BMPR2: variants seen among roughly 807,000 people sequenced by gnomAD.
BMPR2 encodes bone morphogenetic protein receptor type-2.
In BMPR2, 29 loss-of-function variants were observed where a neutral mutation model predicts 100.8. The ratio of observed to expected loss-of-function variants is 0.29; its 90% CI spans 0.21 to 0.39. The LOEUF (loss-of-function observed/expected upper bound fraction) is 0.39. Ranked by LOEUF, BMPR2 falls within the 10% of genes least tolerant of loss-of-function variation. The pLI is 1.00. For missense variants in BMPR2, 1,011 were observed against 1,274.5 expected (o/e 0.79, Z 3.15); for synonymous variants, 382 against 442.3 (o/e 0.86, Z 1.71).
At chr2:202,405,505 G>A (rs1690870696) in intron 1 of BMPR2, among the ~76,000 whole-genome samples, 1 of 151,954 alleles carries the variant, frequency 6.6e-6, no homozygotes, top group Non-Finnish European at 1.5e-5. Context: ...TGGCTAACAC[G>A]GTGAAACCCC....
intron 3 of BMPR2, among the ~76,000 whole-genome samples, chr2:202,481,235 A>G (rs1001840019): frequency 6.6e-5 from 10 of 151,738 alleles, no homozygotes; most frequent in Admixed American, 2.0e-4. Flanking sequence ...CTGGAGTCCA[A>G]TGGTGTGATC....
In BMPR2 at chr2:202,555,745, A is replaced by G; in HGVS notation, c.2080A>G (p.Ser694Gly). ...NLMEHSLKQFSGPDPLSSTSS... is the reference protein window; with the variant it reads ...NLMEHSLKQFGGPDPLSSTSS... Reference sequence around the variant, plus strand: ...CATGGAGCACTCTCTTAAACAGTTCAGTGGCCCAGACCCACTGAGCAGTAC... The same window carrying G: ...CATGGAGCACTCTCTTAAACAGTTCGGTGGCCCAGACCCACTGAGCAGTAC... The change falls in exon 12 of 13, where the codon AGT (serine) becomes GGT (glycine). Residue 694 changes from serine (S) to glycine (G), a missense_variant. Around this residue, in one of 6 missense-constraint regions of BMPR2, gnomAD observed 508 missense variants for 552.0 expected, o/e 0.92. Transcript: ENST00000374580. 6.2e-7 allele frequency: 1 copy of G among 1,614,192 alleles called. No individual in the cohort carries two copies. Among genetic ancestry groups the G allele is most frequent in the Non-Finnish European group, 8.5e-7 (1 of 1,180,042 alleles).
intron 1 of BMPR2, among the ~76,000 whole-genome samples, chr2:202,378,937 T>A (rs777678448): frequency 6.6e-6 from 1 of 152,222 alleles, no homozygotes; most frequent in East Asian, 1.9e-4. Flanking sequence ...TTAACCTTTT[T>A]AGAATATAGA....
In BMPR2 at chr2:202,376,615, T is replaced by G. The variant is rs1185524667; in HGVS notation, c.-860T>G. Among the ~76,000 whole-genome samples, 2 of 141,282 alleles carry G rather than the reference T, an allele frequency of 1.4e-5. No individual in the cohort carries two copies. The highest frequency in any genetic ancestry group is 4.3e-4 in the East Asian group (2 of 4,696). The allele number at this position is 141,282 out of a possible 152,430, so 92.7% of individuals were successfully genotyped here. ...AGCCATTGACGGGAGAAGAGGAGGC[T>G]TTCTTGGTGGAATTTACCTCAGGCA... On this transcript the variant is annotated 5_prime_UTR_variant, in exon 1 of 13. Coordinates refer to ENST00000374580, the MANE Select transcript of BMPR2 (RefSeq NM_001204.7).
intron 1 of BMPR2, among the ~76,000 whole-genome samples, chr2:202,460,661 T>C (rs1324072001): frequency 6.6e-6 from 1 of 152,050 alleles, no homozygotes; most frequent in Non-Finnish European, 1.5e-5. Flanking sequence ...TAAAAGAGAA[T>C]GTGCTGATTT....
intron 1 of BMPR2, among the ~76,000 whole-genome samples, chr2:202,422,780 G>A (rs1279853494): frequency 1.3e-5 from 2 of 151,218 alleles, no homozygotes; most frequent in African/African-American, 2.4e-5. Context: ...GGGTTCAAGC[G>A]ATTCTCCTGC....
At chr2:202,480,631 A>G (rs1317557650) in intron 3 of BMPR2, among the ~76,000 whole-genome samples, 2 of 152,056 alleles carry the variant, frequency 1.3e-5, no homozygotes, top group African/African-American at 4.8e-5. Context: ...TATTTTTCCC[A>G]ATTGAAAAGT....
intron 3 of BMPR2, among the ~76,000 whole-genome samples, chr2:202,496,788 G>A (rs1262867652): frequency 6.6e-6 from 1 of 152,244 alleles, no homozygotes; most frequent in Non-Finnish European, 1.5e-5. Context: ...CGCCTCCTCT[G>A]CCTGGGCTCC....
At chr2:202,411,273 A>C (rs541115806) in intron 1 of BMPR2, among the ~76,000 whole-genome samples, 1 of 152,328 alleles carries the variant, frequency 6.6e-6, no homozygotes, top group Non-Finnish European at 1.5e-5. Context: ...TTGACAAACC[A>C]AGTTTAAAGA....
intron 1 of BMPR2, among the ~76,000 whole-genome samples, chr2:202,447,361 A>G (rs1691871793): frequency 6.6e-6 from 1 of 150,484 alleles, no homozygotes; most frequent in African/African-American, 2.5e-5. Flanking sequence ...ATTTTGGGGT[A>G]TAGTATGATT....
At chr2:202,421,066 A>G (rs1030147742) in intron 1 of BMPR2, among the ~76,000 whole-genome samples, 2 of 150,472 alleles carry the variant, frequency 1.3e-5, no homozygotes, top group Admixed American at 6.7e-5. Flanking sequence ...CCTGGCCAAC[A>G]TGGTGAAACC....
intron 1 of BMPR2, among the ~76,000 whole-genome samples, chr2:202,384,765 G>A (rs1272446818): frequency 6.6e-6 from 1 of 151,666 alleles, no homozygotes; most frequent in African/African-American, 2.4e-5. Flanking sequence ...AGCTAATTTT[G>A]TATTTGTAGT....
At chr2:202,539,031 A>G (rs1461034302) in intron 9 of BMPR2, among the ~76,000 whole-genome samples, 1 of 152,190 alleles carries the variant, frequency 6.6e-6, no homozygotes, top group Non-Finnish European at 1.5e-5. Flanking sequence ...ATAAAAAGAA[A>G]GAAAAATAGG....
intron 1 of BMPR2, among the ~76,000 whole-genome samples, chr2:202,382,593 A>C (rs1195386123): frequency 6.6e-6 from 1 of 152,218 alleles, no homozygotes; most frequent in Non-Finnish European, 1.5e-5. Flanking sequence ...GACATTTAAG[A>C]AATACTTAGT....
chr2:202,501,051 C>T (rs1687377783), intron 3 of BMPR2, among the ~76,000 whole-genome samples: 1 of 152,192 alleles, frequency 6.6e-6, no homozygotes, highest in Non-Finnish European at 1.5e-5. Context: ...TTACTTTTGG[C>T]TACCAGTTCG....
At chr2:202,538,793 C>CA (rs34853164) in intron 9 of BMPR2, among the ~76,000 whole-genome samples, 655 of 59,542 alleles carry the variant, frequency 0.011, 7 homozygotes, top group African/African-American at 0.025. Flanking sequence ...GACTCTGTCT[C>CA]AAAAAAAAAA....
rs542423177 is a variant in BMPR2 at position 202,446,902 on chromosome 2, G to A, written c.77-17907G>A. On this transcript the variant is annotated intron_variant, in intron 1 of 12. Coordinates refer to ENST00000374580, the MANE Select transcript of BMPR2 (RefSeq NM_001204.7). Reference sequence around the variant, plus strand: ...CCCGACCTCAGGATCCACTCACTGCGACCTCCCAAAGTGCTGGGATTACAG... The same window carrying A: ...CCCGACCTCAGGATCCACTCACTGCAACCTCCCAAAGTGCTGGGATTACAG... 6.7e-5 allele frequency among the ~76,000 whole-genome samples: 10 copies of A among 148,826 alleles called. No homozygotes were observed. In the East Asian group the frequency reaches 7.9e-4, roughly 12 times the overall value.
At chr2:202,533,606 T>G (rs1470214917) in intron 9 of BMPR2, among the ~76,000 whole-genome samples, 2 of 152,074 alleles carry the variant, frequency 1.3e-5, no homozygotes, top group African/African-American at 4.8e-5. Context: ...AGGCGGATCA[T>G]GAGGTCAGAA....
intron 3 of BMPR2, among the ~76,000 whole-genome samples, chr2:202,500,637 G>T (rs995240323): frequency 6.6e-6 from 1 of 152,192 alleles, no homozygotes; most frequent in African/African-American, 2.4e-5. Context: ...AAAGCTCAAG[G>T]CTTAGTAAGG....
Sources: allele counts gnomAD v4.1 joint callset (sites outside exome capture counted in the v4.1 genomes callset), GRCh38; gene constraint gnomAD v4.1.1; regional missense constraint gnomAD v4.1.1; transcripts MANE v1.5; gene names NCBI Gene and HGNC (gene_info 2026-07-23, HGNC 2026-07-21).